Variants in RANBP2 observed in about 807,000 individuals in gnomAD.
The protein encoded by RANBP2 is RAN binding protein 2.
Under a neutral mutation model 303.6 loss-of-function variants are expected in RANBP2, and 57 were observed. That is an observed-to-expected ratio of 0.19 (90% CI 0.15 to 0.23). The LOEUF is 0.23. RANBP2 is among the 10% of genes least tolerant of loss of function. The probability of loss-of-function intolerance (pLI) is 1.00; values close to 1 mark genes in which losing one functional copy is unlikely to be tolerated. For missense variants in RANBP2, 3,138 were observed against 3,780.8 expected (o/e 0.83, Z 4.46); for synonymous variants, 1,167 against 1,301.5 (o/e 0.90, Z 2.23).
At chr2:108,772,156 G>A (rs1159312461) in intron 21 of RANBP2, among the ~76,000 whole-genome samples, 2 of 152,230 alleles carry the variant, frequency 1.3e-5, no homozygotes, top group Non-Finnish European at 2.9e-5. Context: ...GGAAGAGAGA[G>A]AGAAGGCGGA....
At chr2:109,056,865 A>G in the RANBP2 span, among the ~76,000 whole-genome samples, 1 of 152,244 alleles carries the variant, frequency 6.6e-6, no homozygotes, top group South Asian at 2.1e-4. Flanking sequence ...TGGTCCTCCC[A>G]AGACCAAAGT....
intron 7 of RANBP2, among the ~76,000 whole-genome samples, chr2:108,742,170 A>G (rs537607020): frequency 1.3e-5 from 2 of 150,616 alleles, no homozygotes; most frequent in African/African-American, 4.9e-5. Flanking sequence ...CTAATTTTGT[A>G]TTTTTAGTAG....
the RANBP2 span, among the ~76,000 whole-genome samples, chr2:109,712,441 TA>T: frequency 6.6e-6 from 1 of 152,006 alleles, no homozygotes; most frequent in African/African-American, 2.4e-5. Context: ...TATTTTATTT[TA>T]TTTTTTTGAG....
the RANBP2 span, among the ~76,000 whole-genome samples, chr2:109,336,901 A>G: frequency 2.6e-5 from 4 of 152,212 alleles, no homozygotes; most frequent in Non-Finnish European, 4.4e-5. Flanking sequence ...CTCCTGTCCC[A>G]GAGCAAAGGG....
chr2:108,967,902 T>C, the RANBP2 span, among the ~76,000 whole-genome samples: 213 of 152,200 alleles, frequency 1.4e-3, no homozygotes, highest in Admixed American at 5.2e-3. Context: ...CCCTCAAGAT[T>C]AGTGAGTCTA....
chr2:108,929,517 C>T, the RANBP2 span: 2 of 917,256 alleles, frequency 2.2e-6, no homozygotes, highest in African/African-American at 1.6e-5. Flanking sequence ...CCTGAGTTGT[C>T]CTAACTGCAA....
the RANBP2 span, among the ~76,000 whole-genome samples, chr2:108,971,247 C>T: frequency 4.9e-4 from 74 of 152,214 alleles, no homozygotes; most frequent in African/African-American, 1.4e-3. Context: ...TATATTTCTG[C>T]GCCTTTCTTC....
the RANBP2 span, among the ~76,000 whole-genome samples, chr2:109,622,633 T>G: frequency 6.6e-6 from 1 of 152,112 alleles, no homozygotes; most frequent in Non-Finnish European, 1.5e-5. Flanking sequence ...TGAGGTGTAG[T>G]TATATTTCTT....
At chr2:109,581,269 G>A in the RANBP2 span, among the ~76,000 whole-genome samples, 5 of 151,934 alleles carry the variant, frequency 3.3e-5, no homozygotes, top group African/African-American at 4.8e-5. Flanking sequence ...GTGAAACCCC[G>A]TCTCTACTTT....
chr2:109,651,183 A>G, the RANBP2 span, among the ~76,000 whole-genome samples: 1 of 152,132 alleles, frequency 6.6e-6, no homozygotes, highest in Non-Finnish European at 1.5e-5. Context: ...CAAGGTAATA[A>G]TGAGAGGGTT....
the RANBP2 span, among the ~76,000 whole-genome samples, chr2:109,337,215 A>G: frequency 5.9e-5 from 9 of 152,174 alleles, no homozygotes; most frequent in African/African-American, 2.2e-4. Flanking sequence ...AAAGATTTGT[A>G]AAAGCCTTTG....
chr2:109,040,443 A>G, the RANBP2 span, among the ~76,000 whole-genome samples: 4 of 152,178 alleles, frequency 2.6e-5, no homozygotes, highest in Non-Finnish European at 5.9e-5. Context: ...TCTGCTGGAC[A>G]ATTTGTACTT....
At chr2:109,015,790 G>A in the RANBP2 span, among the ~76,000 whole-genome samples, 1 of 152,120 alleles carries the variant, frequency 6.6e-6, no homozygotes, top group Admixed American at 6.5e-5. Context: ...AAAAAATAAA[G>A]AATACGGTAT....
the RANBP2 span, among the ~76,000 whole-genome samples, chr2:108,858,741 G>A: frequency 6.6e-6 from 1 of 151,422 alleles, no homozygotes; most frequent in Non-Finnish European, 1.5e-5. Context: ...ACATGTGCAG[G>A]TGTGTTACAT....
the RANBP2 span, among the ~76,000 whole-genome samples, chr2:109,267,485 G>C: frequency 1.3e-5 from 2 of 152,188 alleles, no homozygotes; most frequent in Non-Finnish European, 2.9e-5. Flanking sequence ...AGTCAGTGTT[G>C]CTGAGACACA....
chr2:108,967,870 C>G, the RANBP2 span, among the ~76,000 whole-genome samples: 1 of 152,102 alleles, frequency 6.6e-6, no homozygotes, highest in Non-Finnish European at 1.5e-5. Context: ...GCAGTGACTT[C>G]ACAGAAACAA....
chr2:108,763,399 C>T lies in RANBP2; in HGVS notation c.2860C>T (p.Leu954=), dbSNP rs779448103. 3 of 1,613,910 alleles carry T rather than the reference C, an allele frequency of 1.9e-6. No individual in the cohort carries two copies. Among genetic ancestry groups the T allele is most frequent in the Non-Finnish European group, 2.5e-6 (3 of 1,179,980 alleles). ...LRFESPATGI[L]SPRGDDYFNY... ...TTTTGAGTCTCCTGCAACGGGAATTCTATCGCCCAGGGGTGATGATTACTT... is the reference window on the plus strand; with the variant it reads ...TTTTGAGTCTCCTGCAACGGGAATTTTATCGCCCAGGGGTGATGATTACTT... Residue 954 remains leucine, a synonymous_variant, in exon 20 of 29, where the codon CTA becomes TTA. Transcript: ENST00000283195.
At chr2:108,902,129 C>A in the RANBP2 span, among the ~76,000 whole-genome samples, 7 of 151,754 alleles carry the variant, frequency 4.6e-5, no homozygotes, top group African/African-American at 1.7e-4. Context: ...TCCCAGCTAC[C>A]CAGGAGGCTG....
the RANBP2 span, among the ~76,000 whole-genome samples, chr2:109,326,309 A>G: frequency 3.9e-5 from 6 of 152,238 alleles, no homozygotes; most frequent in South Asian, 1.2e-3. Context: ...ATCTGAGTAT[A>G]TCATAGACTA....
Sources: gnomAD v4.1 joint callset for allele counts (sites outside exome capture counted in the v4.1 genomes callset) on GRCh38, gnomAD v4.1.1 for gene constraint, MANE v1.5 for transcripts, NCBI Gene and HGNC (gene_info 2026-07-23, HGNC 2026-07-21) for gene names.